The following ATG16L1 variants were observed in gnomAD, a reference collection of about 807,000 sequenced individuals.
ATG16L1 encodes autophagy-related protein 16-1.
In ATG16L1, 37 loss-of-function variants were observed where a neutral mutation model predicts 88.5. The observed-to-expected ratio is 0.42, with a 90% CI of 0.32 to 0.55. The LOEUF (loss-of-function observed/expected upper bound fraction) is 0.55. Among genes scored for constraint, ATG16L1 ranks in the 20% least tolerant of loss-of-function variants. ATG16L1 has a pLI of 0.13. For synonymous variants in ATG16L1, 301 were observed against 281.0 expected (o/e 1.07, Z -0.71); for missense variants, 554 against 752.8 (o/e 0.74, Z 3.09).
intron 2 of ATG16L1, among the ~76,000 whole-genome samples, chr2:233,257,616 C>T (rs1227400985): frequency 6.6e-6 from 1 of 152,150 alleles, no homozygotes; most frequent in African/African-American, 2.4e-5. Context: ...AGAGACATAG[C>T]CTCAGTAAGT....
chr2:233,289,885 T>C lies in ATG16L1; in HGVS notation c.1235T>C (p.Leu412Pro). ...CTCACGGGACACAGTGGGAAAGTGC[T>C]GTCTGCTAAGTTCCTGCTGGACAAT... ...HTLTGHSGKV[L>P]SAKFLLDNAR... The change falls in exon 13 of 18, where the codon CTG becomes CCG. Residue 412 changes from leucine to proline, a missense_variant. Physicochemically the swap from Leu to Pro is moderately conservative, Grantham distance 98. Transcript: ENST00000392017. 1.9e-6 allele frequency: 3 copies of C among 1,614,210 alleles called. No homozygotes were observed. The highest frequency in any genetic ancestry group is 2.2e-5 in the East Asian group (1 of 44,878).
intron 1 of ATG16L1, among the ~76,000 whole-genome samples, chr2:233,252,802 G>A (rs6752107): frequency 0.44 from 66,451 of 151,812 alleles, 15,222 homozygotes; most frequent in Non-Finnish European, 0.52. Flanking sequence ...GCAGCTTAAG[G>A]GTACAAAAAT....
At chr2:233,273,305 A>C (rs1431446501) in intron 7 of ATG16L1, 1 of 524,472 alleles carries the variant, frequency 1.9e-6, no homozygotes, top group African/African-American at 1.9e-5. Flanking sequence ...TCAAATATGG[A>C]CAGTGAAACC....
intron 17 of ATG16L1, 28 bp downstream of exon 17, chr2:233,293,385 G>A (rs368663630): frequency 7.5e-5 from 119 of 1,594,590 alleles, no homozygotes; most frequent in East Asian, 4.7e-4. Context: ...TCAGCCCCCC[G>A]TTGCGTTGTG....
intron 5 of ATG16L1, among the ~76,000 whole-genome samples, chr2:233,269,055 TTGAA>T (rs548693867): frequency 1.1e-3 from 173 of 152,286 alleles, no homozygotes; most frequent in African/African-American, 4.1e-3. Flanking sequence ...AATTTAGGAC[TTGAA>T]TGAGAGACAA....
intron 13 of ATG16L1, 98 bp from the exon 14 acceptor site, chr2:233,290,146 AAGTG>A (rs1170255402): frequency 1.3e-6 from 2 of 1,506,162 alleles, no homozygotes; most frequent in Middle Eastern, 1.7e-4. Flanking sequence ...AGCTTCATTT[AAGTG>A]AGTAACTCTG....
At chr2:233,262,310 T>G (rs1697267967) in intron 2 of ATG16L1, among the ~76,000 whole-genome samples, 1 of 152,198 alleles carries the variant, frequency 6.6e-6, no homozygotes, top group South Asian at 2.1e-4. Flanking sequence ...CTGGCTGGTC[T>G]TCCTGTTTCG....
intron 1 of ATG16L1, 81 bp downstream of exon 1, chr2:233,252,023 C>G (rs10199278): frequency 0.5 from 626,163 of 1,256,682 alleles, 160,169 homozygotes; most frequent in Middle Eastern, 0.55. Flanking sequence ...AACCTGAGGC[C>G]GAGTCCCTGG....
At position 233,277,802 on chromosome 2, in the gene ATG16L1, A is replaced by T. The variant is rs928908559; in HGVS notation, c.1060+129A>T. 5.3e-6 allele frequency: 4 copies of T among 747,968 alleles called. 1 individual carries two copies. The African/African-American group carries it at 7.0e-5, about 13-fold the overall frequency. The allele number at this position is 747,968 out of a possible 1,614,324, so 46.3% of individuals were successfully genotyped here. A position where few individuals can be genotyped will look rare whatever the true frequency, so the allele number is the denominator to read the frequency against. On this transcript the variant is annotated intron_variant, in intron 10 of 17. Coordinates refer to ENST00000392017, the MANE Select transcript of ATG16L1 (RefSeq NM_030803.7). ...GCACTGTGAATTGTTCATTTTCTCA[A>T]AACATACATTTTATGTAAGGGATCG... is the stretch of plus-strand genomic sequence containing the variant.
intron 1 of ATG16L1, among the ~76,000 whole-genome samples, chr2:233,253,340 G>GTTT (rs56151049): frequency 0.035 from 3,819 of 108,458 alleles, 160 homozygotes; most frequent in East Asian, 0.049. Flanking sequence ...GGGTTTTTTT[G>GTTT]TTTTTTTTTT....
intron 2 of ATG16L1, among the ~76,000 whole-genome samples, chr2:233,257,378 A>G (rs1429614648): frequency 1.3e-5 from 2 of 152,178 alleles, no homozygotes; most frequent in Admixed American, 1.3e-4. Flanking sequence ...ATACACTTTC[A>G]GTAGGACTGT....
chr2:233,256,335 T>G, intron 2 of ATG16L1, 140 bp downstream of exon 2: 1 of 705,724 alleles, frequency 1.4e-6, no homozygotes, highest in Non-Finnish European at 2.4e-6. Context: ...AAATAAGAAC[T>G]AAAACCATGT....
rs750531342 is a variant in ATG16L1 at position 233,282,739 on chromosome 2, G to A, written c.1189G>A (p.Asp397Asn). The stretch of plus-strand genomic sequence containing the variant: ...TGCAAGCCGAATCTGGACTGTGGAT[G>A]ATTATCGATTACGGGTAAGACCCAG... ...DFASRIWTVD[D>N]YRLRHTLTGH... The change falls in exon 12 of 18, where the codon GAT (aspartate) becomes AAT (asparagine). Residue 397 changes from aspartate (D) to asparagine (N), a missense_variant. Asp to Asn is a conservative substitution (Grantham distance 23). Around this residue, in one of 5 missense-constraint regions of ATG16L1, gnomAD observed 370 missense variants for 509.7 expected, o/e 0.73. Transcript: ENST00000392017. The A allele has an allele frequency of 5.6e-6, 9 of 1,614,050 alleles. No homozygotes were observed. Among genetic ancestry groups the A allele is most frequent in the African/African-American group, 2.7e-5 (2 of 75,054 alleles).
At chr2:233,277,479 C>A (rs1386866460) in intron 9 of ATG16L1, 89 bp from the exon 10 acceptor site, 25 of 1,193,178 alleles carry the variant, frequency 2.1e-5, no homozygotes, top group Non-Finnish European at 2.7e-5. Flanking sequence ...ATGAGTGTTT[C>A]CCCATGAATT....
intron 14 of ATG16L1, among the ~76,000 whole-genome samples, chr2:233,290,824 AG>A (rs1699413212): frequency 6.6e-6 from 1 of 152,206 alleles, no homozygotes; most frequent in Non-Finnish European, 1.5e-5. Flanking sequence ...AGCAGGAAAC[AG>A]GGCAGAAGCC....
intron 12 of ATG16L1, among the ~76,000 whole-genome samples, chr2:233,286,621 C>CA (rs34087184): frequency 0.03 from 2,759 of 93,022 alleles, 174 homozygotes; most frequent in South Asian, 0.073. Flanking sequence ...GAAGCCCAAA[C>CA]TTTTTTTTTT....
chr2:233,289,772 G>C, intron 12 of ATG16L1, 82 bp from the exon 13 acceptor site: 1 of 1,569,510 alleles, frequency 6.4e-7, no homozygotes, highest in Non-Finnish European at 8.7e-7. Context: ...TGACTCTGGA[G>C]GTAAGGATGC....
chr2:233,259,436 C>T (rs972883957), intron 2 of ATG16L1, among the ~76,000 whole-genome samples: 2 of 152,124 alleles, frequency 1.3e-5, no homozygotes, highest in Non-Finnish European at 2.9e-5. Flanking sequence ...AGAGCTGCCT[C>T]CTAGTTCCTG....
At chr2:233,262,620 T>C (rs931053526) in intron 2 of ATG16L1, among the ~76,000 whole-genome samples, 2 of 152,208 alleles carry the variant, frequency 1.3e-5, no homozygotes, top group Non-Finnish European at 2.9e-5. Flanking sequence ...TATTCCTCAC[T>C]TCCTTACAGT....
Sources: gnomAD v4.1 joint callset for allele counts (sites outside exome capture counted in the v4.1 genomes callset) on GRCh38, gnomAD v4.1.1 for gene constraint, gnomAD v4.1.1 regional missense constraint, MANE v1.5 for transcripts, NCBI Gene and HGNC (gene_info 2026-07-23, HGNC 2026-07-21) for gene names.